PNMA8A: variants seen among roughly 807,000 people sequenced by gnomAD.
PNMA8A encodes paraneoplastic antigen-like protein 8A.
A neutral mutation model predicts 26.6 loss-of-function variants in PNMA8A; 17 were observed. The observed-to-expected ratio is 0.64, with a 90% CI of 0.44 to 0.96. PNMA8A has a LOEUF of 0.96. Among genes scored for constraint, PNMA8A ranks in the 40% least tolerant of loss-of-function variants. The pLI is 0.00. For synonymous variants in PNMA8A, 224 were observed against 182.0 expected, an observed-to-expected ratio of 1.23 and a Z score of -1.86; for missense variants, 532 against 488.4, an observed-to-expected ratio of 1.09 and a Z score of -0.84.
chr19:46,469,704 A>T lies in PNMA8A; in HGVS notation c.1303+29T>A, dbSNP rs377399497. ...CCTGCCTCATCCACTTGCTGGCACG[A>T]GCCCAGTCACTTCTGCTATCATTCT... On this transcript the variant is annotated intron_variant, in intron 2 of 2. Transcript: ENST00000313683. The T allele has an allele frequency of 8.2e-5, 128 of 1,564,516 alleles. No homozygotes were observed. In the African/African-American group the frequency reaches 1.5e-3, roughly 18 times the overall value.
At chr19:46,469,703 G>T in intron 2 of PNMA8A, 30 bp downstream of exon 2, 1 of 1,559,482 alleles carries the variant, frequency 6.4e-7, no homozygotes, top group Non-Finnish European at 8.6e-7. Flanking sequence ...TTGCTGGCAC[G>T]AGCCCAGTCA....
chr19:46,468,322 A>T lies in PNMA8A; in HGVS notation c.*239T>A. On this transcript the variant is annotated 3_prime_UTR_variant, in exon 3 of 3. Coordinates refer to ENST00000313683, the MANE Select transcript of PNMA8A (RefSeq NM_018215.4). ...ACCAACTCTCCTGCCTCCGAAGAGA[A>T]GGTGAGTAGAGAAGGCGGTGAAACG... is the stretch of plus-strand genomic sequence containing the variant. The T allele has an allele frequency of 2.0e-6, 1 of 490,130 alleles. No homozygotes were observed. Among genetic ancestry groups the T allele is most frequent in the East Asian group, 3.0e-5 (1 of 33,584 alleles). The allele number at this position is 490,130 out of a possible 1,614,324, so 30.4% of individuals were successfully genotyped here.
chr19:46,470,757 C>G lies in PNMA8A; in HGVS notation c.279G>C (p.Trp93Cys), dbSNP rs1220480602. 1.3e-6 allele frequency: 1 copy of G among 795,484 alleles called. No homozygotes were observed. Among genetic ancestry groups the G allele is most frequent in the East Asian group, 2.4e-5 (1 of 41,328 alleles). 49.3% of individuals were successfully genotyped at this position (795,484 alleles called of 1,614,324 possible). A position where few individuals can be genotyped will look rare whatever the true frequency, so the allele number is the denominator to read the frequency against. The part of the protein sequence containing the change: ...PREFPGRGGV[W>C]RVVCRDPTQD... ...GGGTAGGGTCTCTACAGACCACTCTCCAGACACCACCCCTTCCTGGGAATT... is the reference window on the plus strand; with the variant it reads ...GGGTAGGGTCTCTACAGACCACTCTGCAGACACCACCCCTTCCTGGGAATT... Residue 93 changes from tryptophan to cysteine, a missense_variant, in exon 2 of 3, where the codon TGG becomes TGC. Coordinates refer to ENST00000313683, the MANE Select transcript of PNMA8A (RefSeq NM_018215.4).
rs530940545 is a variant in PNMA8A, at chr19:46,467,892, G to A, written c.*669C>T. 1.8e-4 allele frequency: 28 copies of A among 152,344 alleles called. No individual in the cohort carries two copies. Among genetic ancestry groups the A allele is most frequent in the African/African-American group, 6.5e-4 (27 of 41,568 alleles). 9.4% of individuals were successfully genotyped at this position (152,344 alleles called of 1,614,324 possible). ...CCCCCCTTCCCCACAGGATTCCTGAGAGGGCTCATCCCAAATGGGAATCAA... is the reference window on the plus strand; with the variant it reads ...CCCCCCTTCCCCACAGGATTCCTGAAAGGGCTCATCCCAAATGGGAATCAA... On this transcript the variant is annotated 3_prime_UTR_variant, in exon 3 of 3. Transcript: ENST00000313683.
rs373889467 is a variant in PNMA8A, at chr19:46,468,372, T to C, written c.*189A>G. The C allele has an allele frequency of 6.0e-5, 34 of 565,878 alleles. No homozygotes were observed. Among genetic ancestry groups the C allele is most frequent in the East Asian group, 3.3e-4 (12 of 36,906 alleles). The allele number at this position is 565,878 out of a possible 1,614,324, so 35.1% of individuals were successfully genotyped here. The stretch of plus-strand genomic sequence containing the variant: ...GGCAGGCCTGGTAGAGAAAAGGGCA[T>C]AGAGATCCACCTCCCTTCCCCAACT... On this transcript the variant is annotated 3_prime_UTR_variant, in exon 3 of 3. Transcript: ENST00000313683.
rs910623073 is a variant in PNMA8A, at chr19:46,467,081, A to C, written c.*1480T>G. 1.3e-5 allele frequency: 2 copies of C among 152,228 alleles called. No individual in the cohort carries two copies. Among genetic ancestry groups the C allele is most frequent in the Admixed American group, 6.5e-5 (1 of 15,280 alleles). 9.4% of individuals were successfully genotyped at this position (152,228 alleles called of 1,614,324 possible). The stretch of plus-strand genomic sequence containing the variant: ...AACCTCGCTCATCAGTCACATTTAC[A>C]AGAAACTCAATTTTAAGCAAAGAGA... On this transcript the variant is annotated 3_prime_UTR_variant, in exon 3 of 3. Coordinates refer to ENST00000313683, the MANE Select transcript of PNMA8A (RefSeq NM_018215.4).
rs570296685 is a variant in PNMA8A at position 46,470,794 on chromosome 19, G to A, written c.242C>T (p.Thr81Ile). 31 of 783,260 alleles carry A rather than the reference G, an allele frequency of 4.0e-5. 2 individuals are homozygous for A. In the South Asian group the frequency reaches 4.2e-4, roughly 10 times the overall value. 48.5% of individuals were successfully genotyped at this position (783,260 alleles called of 1,614,324 possible). ...IEVGEGVNLS[T>I]IPREFPGRGG... Reference sequence around the variant, plus strand: ...CCTTCCTGGGAATTCACGGGGGATGGTGCTCAGATTCACACCTTCACCAAC... The same window carrying A: ...CCTTCCTGGGAATTCACGGGGGATGATGCTCAGATTCACACCTTCACCAAC... Residue 81 changes from threonine (T) to isoleucine (I), a missense_variant, in exon 2 of 3, where the codon ACC becomes ATC. Transcript: ENST00000313683.
rs763567881 is a variant in PNMA8A at position 46,470,288 on chromosome 19, A to G, written c.748T>C (p.Ser250Pro). 9.3e-6 allele frequency: 15 copies of G among 1,613,528 alleles called. No homozygotes were observed. Among genetic ancestry groups the G allele is most frequent in the Non-Finnish European group, 1.3e-5 (15 of 1,180,018 alleles). Residue 250 changes from serine (S) to proline (P), a missense_variant, in exon 2 of 3, where the codon TCC becomes CCC. Physicochemically the swap from Ser to Pro is moderately conservative, Grantham distance 74 (BLOSUM62 -1). Coordinates refer to ENST00000313683, the MANE Select transcript of PNMA8A (RefSeq NM_018215.4). Reference protein sequence around the residue: ...RSRRKKQKKNSRQEAVPWKKP... With the variant: ...RSRRKKQKKNPRQEAVPWKKP... ...TTCCAGGGCACTGCTTCCTGCCTGG[A>G]GTTCTTCTTCTGCTTCTTTCTCCTG...
At chr19:46,469,097 A>T (rs8109474) in intron 2 of PNMA8A, among the ~76,000 whole-genome samples, 33,683 of 133,298 alleles carry the variant, frequency 0.25, 3,924 homozygotes, top group Non-Finnish European at 0.26. Flanking sequence ...TGGCCTCCCA[A>T]ATCATTAAAT....
Position 46,470,231 on chromosome 19 carries a change from C to T in PNMA8A, c.805G>A (p.Ala269Thr), listed in dbSNP as rs528404947. The T allele has an allele frequency of 6.2e-7, 1 of 1,614,148 alleles. No homozygotes were observed. Among genetic ancestry groups the T allele is most frequent in the South Asian group, 1.1e-5 (1 of 91,088 alleles). The change falls in exon 2 of 3, where the codon GCT becomes ACT. Residue 269 changes from alanine to threonine, a missense_variant. Coordinates refer to ENST00000313683, the MANE Select transcript of PNMA8A (RefSeq NM_018215.4). Reference protein sequence around the residue: ...KPKGINSNSTANLEDPEVGDA... With the variant: ...KPKGINSNSTTNLEDPEVGDA... ...CCCACCTCAGGATCCTCCAAGTTAG[C>T]TGTGCTGTTGGAATTGATGCCTTTG...
In PNMA8A at chr19:46,471,562, C is replaced by T. The variant is rs530888272; in HGVS notation, c.-305G>A. On this transcript the variant is annotated 5_prime_UTR_variant, in exon 1 of 3. It adds an upstream start codon to the 5' untranslated region. Transcript: ENST00000313683. Reference sequence around the variant, plus strand: ...TGGCGTCGCAGCGCGCGCCTGCGCACTGGCTCCCGCACCGCCGCTCGGGGG... The same window carrying T: ...TGGCGTCGCAGCGCGCGCCTGCGCATTGGCTCCCGCACCGCCGCTCGGGGG... 1 of 152,602 alleles carries T rather than the reference C, an allele frequency of 6.6e-6. No individual in the cohort carries two copies. The highest frequency in any genetic ancestry group is 1.9e-4 in the East Asian group (1 of 5,168). 9.5% of individuals were successfully genotyped at this position (152,602 alleles called of 1,614,324 possible).
Position 46,470,424 on chromosome 19 carries a change from T to C in PNMA8A, c.612A>G (p.Ala204=). 2.5e-6 allele frequency: 4 copies of C among 1,614,116 alleles called. No individual in the cohort carries two copies. Among genetic ancestry groups the C allele is most frequent in the Non-Finnish European group, 3.4e-6 (4 of 1,180,034 alleles). ...CTGCCTTTAAGGCAGAACCCACCTC[T>C]GCTGCAAGCCCCGGTTCTTTCTTCA... ...RKVKKEPGLA[A]EVGSALKAET... The change falls in exon 2 of 3, where the codon GCA becomes GCG. Residue 204 remains alanine, a synonymous_variant. Transcript: ENST00000313683.
intron 2 of PNMA8A, 136 bp downstream of exon 2, chr19:46,469,597 C>G (rs1568606772): frequency 5.2e-6 from 5 of 952,424 alleles, no homozygotes; most frequent in Non-Finnish European, 1.5e-6. Context: ...CCACCTCCTG[C>G]CATGCACCAG....
intron 2 of PNMA8A, among the ~76,000 whole-genome samples, chr19:46,468,963 G>A (rs973889341): frequency 6.6e-6 from 1 of 152,200 alleles, no homozygotes; most frequent in African/African-American, 2.4e-5. Context: ...GGCCTCCCCA[G>A]TAGCTGGGAT....
intron 2 of PNMA8A, 35 bp from the exon 3 acceptor site, chr19:46,468,612 A>G: frequency 6.3e-7 from 1 of 1,582,646 alleles, no homozygotes. Context: ...CAAGAAGGGA[A>G]GCAGAGAGGT....
chr19:46,469,763 G>T lies in PNMA8A; in HGVS notation c.1273C>A (p.Pro425Thr). 1 of 1,611,648 alleles carries T rather than the reference G, an allele frequency of 6.2e-7. No homozygotes were observed. Among genetic ancestry groups the T allele is most frequent in the Non-Finnish European group, 8.5e-7 (1 of 1,179,362 alleles). ...ASTSRGPKAKPEGSPRRATNE... is the reference protein window; with the variant it reads ...ASTSRGPKAKTEGSPRRATNE... ...GTGGCACGCCGAGGAGAGCCTTCTG[G>T]CTTGGCCTTCGGACCCCTAGAGGTT... is the stretch of plus-strand genomic sequence containing the variant. Residue 425 changes from proline (P) to threonine (T), a missense_variant, in exon 2 of 3, where the codon CCA becomes ACA. Transcript: ENST00000313683.
chr19:46,470,856 A>G lies in PNMA8A; in HGVS notation c.180T>C (p.Phe60=). The change falls in exon 2 of 3, where the codon TTT becomes TTC. Residue 60 remains phenylalanine (F), a synonymous_variant. Transcript: ENST00000313683. ...CAGCTTTAACATTCTCTTCCCTCAC[A>G]AAAATCTTGTTGAGCACGCGGTACG... is the stretch of plus-strand genomic sequence containing the variant. ...LGPYRVLNKI[F]VREENVKAAL... 1 of 781,178 alleles carries G rather than the reference A, an allele frequency of 1.3e-6. No individual in the cohort carries two copies. Among genetic ancestry groups the G allele is most frequent in the Non-Finnish European group, 2.4e-6 (1 of 418,240 alleles). The allele number at this position is 781,178 out of a possible 1,614,324, so 48.4% of individuals were successfully genotyped here. A position where few individuals can be genotyped will look rare whatever the true frequency, so the allele number is the denominator to read the frequency against.
intron 1 of PNMA8A, 110 bp downstream of exon 1, chr19:46,471,227 C>T (rs1568608310): frequency 1.9e-6 from 1 of 535,966 alleles, no homozygotes; most frequent in Non-Finnish European, 3.3e-6. Context: ...TTCCCAACAC[C>T]CTCCTCCCCA....
chr19:46,470,404 T>A lies in PNMA8A; in HGVS notation c.632A>T (p.Lys211Met), dbSNP rs1225647236. ...ATTCCAGTTGTTGGGGGTCTCTGCC[T>A]TTAAGGCAGAACCCACCTCTGCTGC... ...GLAAEVGSAL[K>M]AETPNNWNAT... Residue 211 changes from lysine to methionine, a missense_variant, in exon 2 of 3, where the codon AAG (lysine) becomes ATG (methionine). Lys to Met is a moderately conservative substitution (Grantham distance 95, BLOSUM62 -1). Transcript: ENST00000313683. 1.9e-6 allele frequency: 3 copies of A among 1,614,082 alleles called. No homozygotes were observed. The highest frequency in any genetic ancestry group is 2.5e-6 in the Non-Finnish European group (3 of 1,180,038).
Sources: allele counts gnomAD v4.1 joint callset (sites outside exome capture counted in the v4.1 genomes callset), GRCh38; gene constraint gnomAD v4.1.1; transcripts MANE v1.5; gene names NCBI Gene and HGNC (gene_info 2026-07-23, HGNC 2026-07-21).